DLG2: variants seen among roughly 807,000 people sequenced by gnomAD.
DLG2 encodes disks large homolog 2.
In DLG2, 45 loss-of-function variants were observed where a neutral mutation model predicts 132.5. The observed-to-expected ratio is 0.34, with a 90% CI of 0.27 to 0.44. DLG2 has a LOEUF of 0.44. Ranked by LOEUF, DLG2 falls within the 20% of genes least tolerant of loss-of-function variation. The pLI is 1.00. For synonymous variants in DLG2, 424 were observed against 419.6 expected, an observed-to-expected ratio of 1.01 and a Z score of -0.13; for missense variants, 1,045 against 1,196.9, an observed-to-expected ratio of 0.87 and a Z score of 1.87.
chr11:84,704,229 A>G (rs755877877), intron 6 of DLG2, among the ~76,000 whole-genome samples: 3 of 151,340 alleles, frequency 2.0e-5, no homozygotes, highest in Non-Finnish European at 3.0e-5. Flanking sequence ...TCACATCCCT[A>G]CCTCTATGAC....
chr11:84,118,552 C>T (rs796819771), intron 9 of DLG2, among the ~76,000 whole-genome samples: 10 of 152,244 alleles, frequency 6.6e-5, no homozygotes, highest in African/African-American at 2.4e-4. Context: ...TTTCAATTCT[C>T]AACATCAATT....
chr11:85,609,499 C>T (rs1416581298), intron 2 of DLG2, among the ~76,000 whole-genome samples: 1 of 152,154 alleles, frequency 6.6e-6, no homozygotes, highest in Non-Finnish European at 1.5e-5. Flanking sequence ...AGGCCAATCA[C>T]TCGGTAGGGC....
intron 15 of DLG2, among the ~76,000 whole-genome samples, chr11:83,899,379 G>A (rs2072748606): frequency 6.6e-6 from 1 of 152,210 alleles, no homozygotes; most frequent in African/African-American, 2.4e-5. Context: ...ATTTCTGGAG[G>A]TGTGAAGTGA....
At chr11:84,163,533 G>GA in intron 8 of DLG2, 22 bp from the exon 9 acceptor site, 2 of 1,583,180 alleles carry the variant, frequency 1.3e-6, no homozygotes, top group Non-Finnish European at 1.7e-6. Context: ...GAAAAAATAA[G>GA]AAGAGAACTA....
chr11:84,549,132 A>C (rs890069700), intron 6 of DLG2, among the ~76,000 whole-genome samples: 2 of 152,218 alleles, frequency 1.3e-5, no homozygotes, highest in Non-Finnish European at 2.9e-5. Context: ...ATGCAAAGGA[A>C]GGGGTTTCCA....
At chr11:84,426,565 A>T (rs1456646657) in intron 7 of DLG2, among the ~76,000 whole-genome samples, 1 of 152,174 alleles carries the variant, frequency 6.6e-6, no homozygotes, top group Non-Finnish European at 1.5e-5. Flanking sequence ...ACATAAAATC[A>T]TAGAGTAGTG....
chr11:84,470,284 T>A (rs1047218280), intron 7 of DLG2, among the ~76,000 whole-genome samples: 9 of 151,724 alleles, frequency 5.9e-5, no homozygotes, highest in Non-Finnish European at 1.0e-4. Flanking sequence ...CCAAGATGGA[T>A]TTCAAAGAAG....
chr11:84,203,581 C>CATAA (rs1341778218), intron 8 of DLG2, among the ~76,000 whole-genome samples: 1 of 99,426 alleles, frequency 1.0e-5, no homozygotes, highest in Non-Finnish European at 1.8e-5. Context: ...GACTCCGTCT[C>CATAA]AAAAAAAAAA....
At chr11:83,797,286 A>C (rs1172922721) in intron 17 of DLG2, among the ~76,000 whole-genome samples, 3 of 152,184 alleles carry the variant, frequency 2.0e-5, no homozygotes, top group African/African-American at 7.2e-5. Flanking sequence ...CATGTACATA[A>C]CACTTAATAT....
chr11:84,378,712 C>T (rs530654549), intron 7 of DLG2, among the ~76,000 whole-genome samples: 53 of 151,438 alleles, frequency 3.5e-4, no homozygotes, highest in Non-Finnish European at 6.5e-4. Flanking sequence ...GGGCGGATTA[C>T]GAGGTCAAGA....
At chr11:85,459,830 G>C (rs772361270) in intron 3 of DLG2, among the ~76,000 whole-genome samples, 2 of 152,176 alleles carry the variant, frequency 1.3e-5, no homozygotes, top group Non-Finnish European at 2.9e-5. Context: ...AAGCAAGTTA[G>C]CTGTGCTGGA....
At position 84,842,701 on chromosome 11, in the gene DLG2, T is replaced by TC. The variant is rs566368102; in HGVS notation, c.357+268959dup. 7.2e-5 allele frequency among the ~76,000 whole-genome samples: 11 copies of TC among 151,902 alleles called. No homozygotes were observed. The South Asian group carries it at 1.9e-3, about 26-fold the overall frequency. ...TAGTAGGAGGATCTAAATAAATGGT[T>TC]CCCGAGATTTTGCAATGGAAGAGAA... On this transcript the variant is annotated intron_variant, in intron 6 of 27. Coordinates refer to ENST00000376104, the MANE Select transcript of DLG2 (RefSeq NM_001142699.3).
intron 17 of DLG2, among the ~76,000 whole-genome samples, chr11:83,828,577 A>T (rs1304851389): frequency 6.6e-6 from 1 of 152,156 alleles, no homozygotes; most frequent in Non-Finnish European, 1.5e-5. Flanking sequence ...GCCTGTACAA[A>T]TGAACCTATT....
chr11:84,717,174 G>A (rs1369969799), intron 6 of DLG2, among the ~76,000 whole-genome samples: 2 of 151,996 alleles, frequency 1.3e-5, no homozygotes, highest in Non-Finnish European at 2.9e-5. Context: ...CATGAAAATG[G>A]TTTTAGACTT....
chr11:84,751,455 G>C (rs2066100419), intron 6 of DLG2, among the ~76,000 whole-genome samples: 1 of 152,024 alleles, frequency 6.6e-6, no homozygotes, highest in Non-Finnish European at 1.5e-5. Context: ...GGAGTGCAAA[G>C]GCCAGGTACA....
chr11:85,349,313 C>T (rs1565360473), intron 3 of DLG2, among the ~76,000 whole-genome samples: 1 of 152,070 alleles, frequency 6.6e-6, no homozygotes, highest in South Asian at 2.1e-4. Flanking sequence ...CTGAAAGAAA[C>T]ACCAAAAGAA....
At chr11:85,382,336 C>T (rs866416307) in intron 3 of DLG2, among the ~76,000 whole-genome samples, 2 of 152,030 alleles carry the variant, frequency 1.3e-5, no homozygotes, top group East Asian at 3.8e-4. Flanking sequence ...TCAATTTGAA[C>T]CTTTATTTCA....
At chr11:84,117,776 G>A (rs1164837953) in intron 9 of DLG2, among the ~76,000 whole-genome samples, 1 of 152,096 alleles carries the variant, frequency 6.6e-6, no homozygotes, top group Non-Finnish European at 1.5e-5. Flanking sequence ...TATGCAATAA[G>A]TATTTGTTGA....
chr11:85,602,017 C>T (rs2080198695), intron 2 of DLG2, among the ~76,000 whole-genome samples: 1 of 152,116 alleles, frequency 6.6e-6, no homozygotes, highest in African/African-American at 2.4e-5. Context: ...GACTCATATC[C>T]AGCTGAATGC....
Sources: allele counts gnomAD v4.1 joint callset (sites outside exome capture counted in the v4.1 genomes callset), GRCh38; gene constraint gnomAD v4.1.1; transcripts MANE v1.5; gene names NCBI Gene and HGNC (gene_info 2026-07-23, HGNC 2026-07-21).